The following MACF1 variants were observed in gnomAD, a reference collection of about 807,000 sequenced individuals.
MACF1 encodes the protein microtubule actin crosslinking factor 1, also known as microtubule-actin cross-linking factor 1.
MACF1 carries 193 observed loss-of-function variants against 854.8 expected under a neutral mutation model. That is an observed-to-expected ratio of 0.23 (90% confidence interval 0.20 to 0.25). The LOEUF (loss-of-function observed/expected upper bound fraction) is 0.25, where lower values mean the gene tolerates loss of function less well. MACF1 is among the 10% of genes least tolerant of loss of function. The pLI, the probability that MACF1 is intolerant of heterozygous loss-of-function variation, is 1.00. For missense variants in MACF1, 7,722 were observed against 8,929.1 expected (o/e 0.86, Z 5.45); for synonymous variants, 3,185 against 3,226.7 (o/e 0.99, Z 0.44).
chr1:39,376,682 A>T (rs760733932), intron 52 of MACF1, among the ~76,000 whole-genome samples: 8 of 152,126 alleles, frequency 5.3e-5, no homozygotes, highest in African/African-American at 1.9e-4. Flanking sequence ...ATTAACATTT[A>T]AAAGTTTTAT....
chr1:39,274,426 G>A (rs1645393065), intron 6 of MACF1, among the ~76,000 whole-genome samples: 1 of 152,146 alleles, frequency 6.6e-6, no homozygotes, highest in African/African-American at 2.4e-5. Context: ...CATTGCATCT[G>A]TAATGAACAT....
intron 47 of MACF1, among the ~76,000 whole-genome samples, chr1:39,359,986 CAAAAAAAAAAA>C (rs1178910336): frequency 3.4e-4 from 4 of 11,746 alleles, no homozygotes; most frequent in South Asian, 0.02. Flanking sequence ...GACTCCGTCT[CAAAAAAAAAAA>C]AAAAAAAAAA....
intron 67 of MACF1, 99 bp downstream of exon 67, chr1:39,432,753 G>T: frequency 1.6e-6 from 2 of 1,248,012 alleles, no homozygotes; most frequent in South Asian, 3.5e-5. Flanking sequence ...TAATTTAGTG[G>T]CATGATGGTA....
intron 2 of MACF1, among the ~76,000 whole-genome samples, chr1:39,195,363 A>G (rs1644307317): frequency 6.6e-6 from 1 of 152,222 alleles, no homozygotes; most frequent in African/African-American, 2.4e-5. Flanking sequence ...GCTCTTAAGC[A>G]GTTCTCAGAT....
chr1:39,370,445 G>A (rs1171407236), intron 51 of MACF1, among the ~76,000 whole-genome samples: 3 of 152,168 alleles, frequency 2.0e-5, no homozygotes, highest in African/African-American at 2.4e-5. Flanking sequence ...GGAAATTGAG[G>A]ATAGAAGAAC....
intron 47 of MACF1, among the ~76,000 whole-genome samples, chr1:39,359,835 A>C (rs889646693): frequency 6.0e-5 from 9 of 150,174 alleles, no homozygotes; most frequent in East Asian, 3.9e-4. Context: ...AACAAACAAA[A>C]AAATAGCCAG....
At chr1:39,326,154 G>A (rs1646605559) in intron 35 of MACF1, among the ~76,000 whole-genome samples, 1 of 152,142 alleles carries the variant, frequency 6.6e-6, no homozygotes, top group African/African-American at 2.4e-5. Context: ...GATAGAATAA[G>A]AGGAAATGGA....
intron 2 of MACF1, among the ~76,000 whole-genome samples, chr1:39,184,068 A>G (rs1186102217): frequency 1.3e-5 from 2 of 152,242 alleles, no homozygotes; most frequent in Non-Finnish European, 2.9e-5. Flanking sequence ...AGTCAGAATG[A>G]TTGACCAGCA....
chr1:39,129,922 G>A (rs933950610), intron 2 of MACF1, among the ~76,000 whole-genome samples: 5 of 152,212 alleles, frequency 3.3e-5, no homozygotes, highest in African/African-American at 1.2e-4. Context: ...GAAATGGAGA[G>A]GAAAGGAAAT....
intron 27 of MACF1, 81 bp from the exon 28 acceptor site, chr1:39,316,310 C>T: frequency 8.8e-7 from 1 of 1,136,962 alleles, no homozygotes; most frequent in Non-Finnish European, 1.2e-6. Flanking sequence ...GTTTTATGAA[C>T]CTCTCTATAG....
At chr1:39,376,434 C>T (rs1301996019) in intron 52 of MACF1, among the ~76,000 whole-genome samples, 2 of 152,138 alleles carry the variant, frequency 1.3e-5, no homozygotes, top group Non-Finnish European at 1.5e-5. Context: ...CTTTGATATA[C>T]ATTCGCTCAT....
intron 1 of MACF1, among the ~76,000 whole-genome samples, chr1:39,226,340 G>C (rs1644715362): frequency 6.7e-6 from 1 of 149,132 alleles, no homozygotes; most frequent in Non-Finnish European, 1.5e-5. Context: ...TTTATGGATA[G>C]TATTTTTTTT....
At chr1:39,361,309 A>G (rs776944285) in intron 48 of MACF1, 51 bp from the exon 49 acceptor site, 23 of 1,558,496 alleles carry the variant, frequency 1.5e-5, no homozygotes, top group Non-Finnish European at 1.9e-5. Flanking sequence ...TGTGGCTCAG[A>G]TGTCCTGGAA....
chr1:39,370,228 G>T (rs1649107155), intron 51 of MACF1, 42 bp downstream of exon 51: 2 of 1,536,862 alleles, frequency 1.3e-6, no homozygotes, highest in Non-Finnish European at 1.8e-6. Flanking sequence ...CTAGGCACTG[G>T]TTTGAATACT....
chr1:39,167,951 C>G (rs1212946147), intron 2 of MACF1, among the ~76,000 whole-genome samples: 2 of 152,030 alleles, frequency 1.3e-5, no homozygotes, highest in African/African-American at 4.8e-5. Context: ...ACTGGAGATC[C>G]ACTTTACCCC....
Position 39,448,478 on chromosome 1 carries a change from A to C in MACF1, c.20089-116A>C, listed in dbSNP as rs534433646. The C allele has an allele frequency of 3.7e-6, 3 of 812,226 alleles. No individual in the cohort carries two copies. In the South Asian group the frequency reaches 7.9e-5, roughly 21 times the overall value. 50.3% of individuals were successfully genotyped at this position (812,226 alleles called of 1,614,324 possible). A position where few individuals can be genotyped will look rare whatever the true frequency, so the allele number is the denominator to read the frequency against. Reference sequence around the variant, plus strand: ...GCTATGGTTAATTTTAGTTCAAAAAAAGTGGTGATATTCATACTTTATTTG... The same window carrying C: ...GCTATGGTTAATTTTAGTTCAAAAACAGTGGTGATATTCATACTTTATTTG... On this transcript the variant is annotated intron_variant, in intron 83 of 100. Transcript: ENST00000564288.
At position 39,372,576 on chromosome 1, in the gene MACF1, C is replaced by A. The variant is rs748074653; in HGVS notation, c.13193C>A (p.Pro4398His). The A allele has an allele frequency of 6.2e-7, 1 of 1,612,226 alleles. No homozygotes were observed. The highest frequency in any genetic ancestry group is 8.5e-7 in the Non-Finnish European group (1 of 1,178,526). The change falls in exon 52 of 101, where the codon CCT (proline) becomes CAT (histidine). Residue 4398 changes from proline to histidine, a missense_variant. Transcript: ENST00000564288. Reference sequence around the variant, plus strand: ...AATCTCATCATGGAAATCACAGCACCTGATTCCCAAGGCAAGACAGGTGAG... The same window carrying A: ...AATCTCATCATGGAAATCACAGCACATGATTCCCAAGGCAAGACAGGTGAG... The part of the protein sequence containing the change: ...LENLIMEITA[P>H]DSQGKTGSIL...
chr1:39,128,285 C>T lies in MACF1; in HGVS notation c.220+43847C>T, dbSNP rs567043823. Among the ~76,000 whole-genome samples, 33 of 152,106 alleles carry T rather than the reference C, an allele frequency of 2.2e-4. 1 individual carries two copies. Among genetic ancestry groups the T allele is most frequent in the African/African-American group, 8.0e-4 (33 of 41,504 alleles). ...GTGTGCAGTGGCTGTTCACAGGCAC[C>T]ATCATAGCACAGTGCAGCCTCAAAC... On this transcript the variant is annotated intron_variant, in intron 2 of 93. Transcript: ENST00000361689.
At position 39,090,004 on chromosome 1, in the gene MACF1, A is replaced by G. The variant is rs558218745; in HGVS notation, c.220+5566A>G. Among the ~76,000 whole-genome samples, 35 of 152,336 alleles carry G rather than the reference A, an allele frequency of 2.3e-4. No individual in the cohort carries two copies. The South Asian group carries it at 5.4e-3, about 23-fold the overall frequency. ...AGACTCAGGAGGCCAGCAGTTTCCCAGGCCAGCAAAGAAGGAGCCCAAGCC... is the reference window on the plus strand; with the variant it reads ...AGACTCAGGAGGCCAGCAGTTTCCCGGGCCAGCAAAGAAGGAGCCCAAGCC... On this transcript the variant is annotated intron_variant, in intron 2 of 93. Coordinates refer to the MACF1 transcript ENST00000361689.
Sources: allele counts gnomAD v4.1 joint callset (sites outside exome capture counted in the v4.1 genomes callset), GRCh38; gene constraint gnomAD v4.1.1; transcripts MANE v1.5; gene names NCBI Gene and HGNC (gene_info 2026-07-23, HGNC 2026-07-21).